Variants in PLA2G4A observed in about 807,000 individuals in gnomAD.
PLA2G4A encodes the protein phospholipase A2 group IVA.
Under a neutral mutation model 81.9 loss-of-function variants are expected in PLA2G4A, and 40 were observed. That is an observed-to-expected ratio of 0.49 (90% CI 0.38 to 0.64). The LOEUF is 0.64. Ranked by LOEUF, PLA2G4A falls within the 30% of genes least tolerant of loss-of-function variation. PLA2G4A has a pLI of 0.00. For synonymous variants in PLA2G4A, 302 were observed against 296.9 expected (o/e 1.02, Z -0.18); for missense variants, 715 against 905.1 (o/e 0.79, Z 2.69).
intron 7 of PLA2G4A, among the ~76,000 whole-genome samples, chr1:186,922,875 C>T (rs916065542): frequency 5.3e-5 from 8 of 152,228 alleles, no homozygotes; most frequent in Middle Eastern, 3.4e-3. Flanking sequence ...GCAGGGGTTA[C>T]GTGACGGGGG....
chr1:186,980,034 G>A (rs890127486), intron 17 of PLA2G4A, among the ~76,000 whole-genome samples: 1 of 131,788 alleles, frequency 7.6e-6, no homozygotes, highest in Non-Finnish European at 1.5e-5. Context: ...TGCAAGCTCC[G>A]CCTCCCAGGT....
intron 1 of PLA2G4A, among the ~76,000 whole-genome samples, chr1:186,840,253 C>CA (rs1259099873): frequency 1.3e-5 from 2 of 151,948 alleles, no homozygotes; most frequent in African/African-American, 4.8e-5. Flanking sequence ...GTCCATGGCA[C>CA]AAAAAAGATT....
chr1:186,920,846 C>T, intron 7 of PLA2G4A, among the ~76,000 whole-genome samples: 1 of 152,218 alleles, frequency 6.6e-6, no homozygotes. Context: ...TTCACAAATA[C>T]TTGATTGGCT....
chr1:186,936,333 T>C (rs1464048883), intron 8 of PLA2G4A, among the ~76,000 whole-genome samples: 1 of 151,992 alleles, frequency 6.6e-6, no homozygotes, highest in Non-Finnish European at 1.5e-5. Context: ...TCAAGATATG[T>C]GTTAGAGAAA....
rs1324633880 is a variant in PLA2G4A, at chr1:186,979,331, T to G, written c.1977T>G (p.Thr659=). 1 of 1,612,414 alleles carries G rather than the reference T, an allele frequency of 6.2e-7. No individual in the cohort carries two copies. Among genetic ancestry groups the G allele is most frequent in the East Asian group, 2.2e-5 (1 of 44,864 alleles). Residue 659 remains threonine (T), a synonymous_variant, in exon 17 of 18, where the codon ACT becomes ACG. Coordinates refer to ENST00000367466, the MANE Select transcript of PLA2G4A (RefSeq NM_024420.3). ...KYRAPGVPRE[T]EEEKEIADFD... ...GGTATTTAGGTGTTCCAAGGGAAACTGAGGAAGAGAAAGAAATCGCTGACT... is the reference window on the plus strand; with the variant it reads ...GGTATTTAGGTGTTCCAAGGGAAACGGAGGAAGAGAAAGAAATCGCTGACT...
chr1:186,984,178 G>A (rs910853141), intron 17 of PLA2G4A, among the ~76,000 whole-genome samples: 1 of 152,066 alleles, frequency 6.6e-6, no homozygotes, highest in Non-Finnish European at 1.5e-5. Flanking sequence ...GGTAGCAAGT[G>A]TCAGGATACA....
At chr1:186,944,465 T>C (rs1656266388) in intron 10 of PLA2G4A, among the ~76,000 whole-genome samples, 1 of 152,142 alleles carries the variant, frequency 6.6e-6, no homozygotes, top group Admixed American at 6.6e-5. Flanking sequence ...AATTGAGAGA[T>C]AGGAAATTAC....
chr1:186,872,104 T>C (rs945694452), intron 3 of PLA2G4A, among the ~76,000 whole-genome samples: 1 of 152,136 alleles, frequency 6.6e-6, no homozygotes, highest in Non-Finnish European at 1.5e-5. Flanking sequence ...AGGAGAGCAA[T>C]GGCAATTTCT....
chr1:186,835,396 G>A (rs542529069), intron 1 of PLA2G4A, among the ~76,000 whole-genome samples: 9 of 152,292 alleles, frequency 5.9e-5, no homozygotes, highest in African/African-American at 2.2e-4. Flanking sequence ...TATATTTGAT[G>A]CAATATTATG....
At position 186,870,461 on chromosome 1, in the gene PLA2G4A, T is replaced by C; in HGVS notation, c.60T>C (p.Phe20=). ...IIVEHQYSHK[F]TVVVLRATKV... ...TGGAGCACCAGTATTCCCACAAGTT[T>C]ACGGTAGTGGTGTTACGTGCCACCA... Residue 20 remains phenylalanine, a synonymous_variant, in exon 3 of 18, where the codon TTT becomes TTC. Coordinates refer to ENST00000367466, the MANE Select transcript of PLA2G4A (RefSeq NM_024420.3). 1 of 1,610,454 alleles carries C rather than the reference T, an allele frequency of 6.2e-7. No homozygotes were observed. Among genetic ancestry groups the C allele is most frequent in the Non-Finnish European group, 8.5e-7 (1 of 1,176,646 alleles).
chr1:186,912,461 T>G (rs1242348985), intron 7 of PLA2G4A, among the ~76,000 whole-genome samples: 1 of 152,082 alleles, frequency 6.6e-6, no homozygotes, highest in Non-Finnish European at 1.5e-5. Context: ...GCTCCACCTA[T>G]CATCTCTCCT....
intron 1 of PLA2G4A, among the ~76,000 whole-genome samples, chr1:186,853,596 T>G (rs1571335059): frequency 6.6e-6 from 1 of 151,954 alleles, no homozygotes; most frequent in Non-Finnish European, 1.5e-5. Context: ...AATACAAGTG[T>G]ATGTTGTTTT....
At chr1:186,874,143 A>C (rs142107611) in intron 3 of PLA2G4A, among the ~76,000 whole-genome samples, 198 of 152,192 alleles carry the variant, frequency 1.3e-3, no homozygotes, top group African/African-American at 4.5e-3. Flanking sequence ...GTTGGGTGCT[A>C]AATGTTGGGT....
chr1:186,884,727 A>C (rs1016705380), intron 3 of PLA2G4A, among the ~76,000 whole-genome samples: 2 of 151,876 alleles, frequency 1.3e-5, no homozygotes, highest in East Asian at 3.9e-4. Context: ...AAAACACAAA[A>C]AATTAGCTGA....
At chr1:186,846,355 T>G (rs898878157) in intron 1 of PLA2G4A, among the ~76,000 whole-genome samples, 8 of 152,236 alleles carry the variant, frequency 5.3e-5, no homozygotes, top group African/African-American at 1.9e-4. Flanking sequence ...AGGAGGTCTT[T>G]GTTTCTTCCC....
intron 2 of PLA2G4A, among the ~76,000 whole-genome samples, chr1:186,866,252 T>G (rs935650374): frequency 1.3e-5 from 2 of 152,164 alleles, no homozygotes; most frequent in East Asian, 3.8e-4. Context: ...AAAGACTATT[T>G]GGATAATCAT....
In PLA2G4A at chr1:186,979,328, A is replaced by G. The variant is rs146638787; in HGVS notation, c.1974A>G (p.Glu658=). The G allele has an allele frequency of 8.1e-6, 13 of 1,612,014 alleles. No homozygotes were observed. Among genetic ancestry groups the G allele is most frequent in the Non-Finnish European group, 1.1e-5 (13 of 1,178,046 alleles). ...RKYRAPGVPR[E]TEEEKEIADF... is the part of the protein sequence containing the mutation. ...TCTGGTATTTAGGTGTTCCAAGGGA[A>G]ACTGAGGAAGAGAAAGAAATCGCTG... The change falls in exon 17 of 18, where the codon GAA becomes GAG. Residue 658 remains glutamate, a synonymous_variant. Coordinates refer to ENST00000367466, the MANE Select transcript of PLA2G4A (RefSeq NM_024420.3).
chr1:186,966,764 T>C (rs1461361819), intron 15 of PLA2G4A, among the ~76,000 whole-genome samples: 1 of 152,210 alleles, frequency 6.6e-6, no homozygotes, highest in Non-Finnish European at 1.5e-5. Flanking sequence ...ACATATATGG[T>C]TAAAGTGCAT....
chr1:186,834,114 A>G (rs902024432), intron 1 of PLA2G4A, among the ~76,000 whole-genome samples: 8 of 152,196 alleles, frequency 5.3e-5, no homozygotes, highest in Non-Finnish European at 8.8e-5. Context: ...ATTCTTCTAC[A>G]GTACAGAAAA....
Sources: allele counts gnomAD v4.1 joint callset (sites outside exome capture counted in the v4.1 genomes callset), GRCh38; gene constraint gnomAD v4.1.1; transcripts MANE v1.5; gene names NCBI Gene and HGNC (gene_info 2026-07-23, HGNC 2026-07-21).